Variants in ZBTB44 observed in about 807,000 individuals in gnomAD.
ZBTB44 encodes the protein zinc finger and BTB domain containing 44, also known as zinc finger and BTB domain-containing protein 44.
ZBTB44 carries 15 observed loss-of-function variants against 54.0 expected under a neutral mutation model. The observed-to-expected ratio is 0.28, with a 90% CI of 0.19 to 0.43. The LOEUF (loss-of-function observed/expected upper bound fraction) is 0.43, where lower values mean the gene tolerates loss of function less well. Ranked by LOEUF, ZBTB44 falls within the 20% of genes least tolerant of loss-of-function variation. The probability of loss-of-function intolerance (pLI) is 1.00; values close to 1 mark genes in which losing one functional copy is unlikely to be tolerated. For missense variants in ZBTB44, 487 were observed against 707.1 expected, an observed-to-expected ratio of 0.69 and a Z score of 3.53; for synonymous variants, 230 against 250.1, an observed-to-expected ratio of 0.92 and a Z score of 0.76.
Position 130,313,595 on chromosome 11 carries a change from G to A in ZBTB44, c.-57+780C>T, listed in dbSNP as rs540253977. On this transcript the variant is annotated intron_variant, in intron 1 of 7. Coordinates refer to ENST00000357899, the MANE Select transcript of ZBTB44 (RefSeq NM_001301098.2). Reference sequence around the variant, plus strand: ...GTGCAGCTTGCTTCCGGTATCAGCCGATCTCCAAATAAAGCATTAAGAAAA... The same window carrying A: ...GTGCAGCTTGCTTCCGGTATCAGCCAATCTCCAAATAAAGCATTAAGAAAA... Among the ~76,000 whole-genome samples, 229 of 152,246 alleles carry A rather than the reference G, an allele frequency of 1.5e-3. 1 individual carries two copies. The highest frequency in any genetic ancestry group is 2.6e-3 in the Non-Finnish European group (176 of 68,018).
At chr11:130,280,080 G>A (rs1002225483) in intron 1 of ZBTB44, among the ~76,000 whole-genome samples, 17 of 152,132 alleles carry the variant, frequency 1.1e-4, no homozygotes, top group Admixed American at 5.2e-4. Flanking sequence ...CCAGCGCAAC[G>A]GCAATTTTTG....
chr11:130,260,776 CA>C lies in ZBTB44; in HGVS notation c.1018+79del, dbSNP rs1449454604. The stretch of plus-strand genomic sequence containing the variant: ...TTTATATTTCCTATATGACCGAGCA[CA>C]AAACTTTTTATCTAACAGGAACTTA... On this transcript the variant is annotated intron_variant, in intron 2 of 7. Transcript: ENST00000357899. 59 of 1,468,792 alleles carry C rather than the reference CA, an allele frequency of 4.0e-5. No homozygotes were observed. The African/African-American group carries it at 7.7e-4, about 19-fold the overall frequency. 91.0% of individuals were successfully genotyped at this position (1,468,792 alleles called of 1,614,324 possible). A position where few individuals can be genotyped will look rare whatever the true frequency, so the allele number is the denominator to read the frequency against.
At chr11:130,237,947 T>TA (rs943841460) in intron 4 of ZBTB44, among the ~76,000 whole-genome samples, 1 of 152,160 alleles carries the variant, frequency 6.6e-6, no homozygotes, top group Non-Finnish European at 1.5e-5. Flanking sequence ...CTGTTATGTT[T>TA]AAAAAAATAC....
intron 2 of ZBTB44, among the ~76,000 whole-genome samples, chr11:130,241,641 C>T (rs1160444946): frequency 6.6e-6 from 1 of 152,134 alleles, no homozygotes; most frequent in Non-Finnish European, 1.5e-5. Flanking sequence ...TATCTTTCCC[C>T]ATCCCATGGC....
At chr11:130,234,929 A>T (rs1326538502) in intron 5 of ZBTB44, among the ~76,000 whole-genome samples, 1 of 152,244 alleles carries the variant, frequency 6.6e-6, no homozygotes, top group East Asian at 1.9e-4. Flanking sequence ...AAATATACTA[A>T]AAACAGTGGC....
Position 130,227,073 on chromosome 11 carries a change from G to A in ZBTB44, c.*4691C>T, listed in dbSNP as rs182225971. The stretch of plus-strand genomic sequence containing the variant: ...CAATAACCCTAAAAATGATTGTAAC[G>A]TTGAAACGGCACTTAGTTTACAAAA... On this transcript the variant is annotated 3_prime_UTR_variant, in exon 8 of 8. Transcript: ENST00000357899. 5 of 151,988 alleles carry A rather than the reference G, an allele frequency of 3.3e-5. No homozygotes were observed. The East Asian group carries it at 5.8e-4, about 18-fold the overall frequency. The allele number at this position is 151,988 out of a possible 1,614,324, so 9.4% of individuals were successfully genotyped here.
chr11:130,308,016 G>A (rs187367171), intron 1 of ZBTB44, among the ~76,000 whole-genome samples: 96 of 152,248 alleles, frequency 6.3e-4, no homozygotes, highest in African/African-American at 1.9e-3. Context: ...ATGAGCCACC[G>A]TGCGCAACCC....
At chr11:130,293,306 TAAAAAAAA>T (rs71061378) in intron 1 of ZBTB44, among the ~76,000 whole-genome samples, 1 of 134,730 alleles carries the variant, frequency 7.4e-6, no homozygotes, top group Non-Finnish European at 1.6e-5. Context: ...TACTAAAAAT[TAAAAAAAA>T]AAAAAAAAAA....
At chr11:130,299,929 T>A (rs1941900569) in intron 1 of ZBTB44, among the ~76,000 whole-genome samples, 1 of 152,168 alleles carries the variant, frequency 6.6e-6, no homozygotes, top group East Asian at 1.9e-4. Context: ...AAGAGATGAA[T>A]GAATTAATGA....
chr11:130,236,034 T>TA (rs1954093591), intron 5 of ZBTB44: 14 of 1,049,996 alleles, frequency 1.3e-5, no homozygotes, highest in Non-Finnish European at 1.7e-5. Context: ...CCTACAGAAG[T>TA]ACAATTCTTA....
chr11:130,296,491 G>C lies in ZBTB44; in HGVS notation c.-57+17884C>G. The stretch of plus-strand genomic sequence containing the variant: ...ACAGATTTGGGAACACATTGTGTAC[G>C]GATGTGGTGGCAAGAGGACTGGACA... On this transcript the variant is annotated intron_variant, in intron 1 of 7. Coordinates refer to ENST00000357899, the MANE Select transcript of ZBTB44 (RefSeq NM_001301098.2). 6 of 984,938 alleles carry C rather than the reference G, an allele frequency of 6.1e-6. No homozygotes were observed. The South Asian group carries it at 9.1e-5, about 15-fold the overall frequency. 61.0% of individuals were successfully genotyped at this position (984,938 alleles called of 1,614,324 possible).
chr11:130,233,654 C>G lies in ZBTB44; in HGVS notation c.1687-272G>C, dbSNP rs1953980061. On this transcript the variant is annotated intron_variant, in intron 6 of 7. Transcript: ENST00000357899. ...ATGTACCCTCTTGTCTCAAGAAGGT[C>G]AATAATCATCTGATTTCCTCTCTAG... 31 of 1,257,302 alleles carry G rather than the reference C, an allele frequency of 2.5e-5. No homozygotes were observed. In the South Asian group the frequency reaches 6.2e-4, roughly 25 times the overall value. The allele number at this position is 1,257,302 out of a possible 1,614,324, so 77.9% of individuals were successfully genotyped here.
intron 1 of ZBTB44, among the ~76,000 whole-genome samples, chr11:130,287,066 T>C (rs375334949): frequency 6.6e-6 from 1 of 152,340 alleles, no homozygotes; most frequent in Non-Finnish European, 1.5e-5. Context: ...TTCGCCATCT[T>C]GCAAATTCAA....
chr11:130,243,789 C>T (rs76898543), intron 2 of ZBTB44, among the ~76,000 whole-genome samples: 6,360 of 152,260 alleles, frequency 0.042, 325 homozygotes, highest in African/African-American at 0.12. Flanking sequence ...ATTTACATCA[C>T]TGCTAGCAGT....
chr11:130,308,132 T>C (rs921983529), intron 1 of ZBTB44, among the ~76,000 whole-genome samples: 2 of 152,222 alleles, frequency 1.3e-5, no homozygotes, highest in African/African-American at 4.8e-5. Context: ...TACAGTAACA[T>C]GCTGTACAGA....
Position 130,233,364 on chromosome 11 carries a change from C to T in ZBTB44, c.1705G>A (p.Glu569Lys). Residue 569 changes from glutamate to lysine, a missense_variant, in exon 7 of 8, where the codon GAA (glutamate) becomes AAA (lysine). Physicochemically the swap from Glu to Lys is moderately conservative, Grantham distance 56. This residue lies in a region of ZBTB44 where 120 missense variants were observed against 240.3 expected (regional missense o/e 0.50). Coordinates refer to ENST00000357899, the MANE Select transcript of ZBTB44 (RefSeq NM_001301098.2). ...VISQYHSKGKEP is the reference protein window; with the variant it reads ...VISQYHSKGKKP ...AGCTTGACTGTTGTCAATCATGGTT[C>T]CTTGCCTTTGGAGTGGTACTATAAA... The T allele has an allele frequency of 1.3e-6, 2 of 1,532,456 alleles. No individual in the cohort carries two copies. Among genetic ancestry groups the T allele is most frequent in the South Asian group, 1.2e-5 (1 of 83,876 alleles). 94.9% of individuals were successfully genotyped at this position (1,532,456 alleles called of 1,614,324 possible).
chr11:130,298,863 C>A (rs1941831420), intron 1 of ZBTB44, among the ~76,000 whole-genome samples: 1 of 148,016 alleles, frequency 6.8e-6, no homozygotes, highest in South Asian at 2.2e-4. Context: ...ACACACAAAA[C>A]CATCAGTAAA....
At position 130,242,472 on chromosome 11, in the gene ZBTB44, A is replaced by G. The variant is rs79060782; in HGVS notation, c.1019-2576T>C. Among the ~76,000 whole-genome samples the G allele has an allele frequency of 5.2e-3, 796 of 152,322 alleles. 13 individuals carry two copies. The highest frequency in any genetic ancestry group is 0.018 in the African/African-American group (765 of 41,582). On this transcript the variant is annotated intron_variant, in intron 2 of 7. Coordinates refer to ENST00000357899, the MANE Select transcript of ZBTB44 (RefSeq NM_001301098.2). Reference sequence around the variant, plus strand: ...ATCTATGCTCACTTCACTTCTGCCAAAAGTCCATTCTTTATAACTTTTTTG... The same window carrying G: ...ATCTATGCTCACTTCACTTCTGCCAGAAGTCCATTCTTTATAACTTTTTTG...
At chr11:130,264,695 A>G (rs1194149609) in intron 1 of ZBTB44, among the ~76,000 whole-genome samples, 1 of 152,222 alleles carries the variant, frequency 6.6e-6, no homozygotes, top group Non-Finnish European at 1.5e-5. Context: ...GCATTTCCCA[A>G]TATGTCTGCA....
Sources: allele counts gnomAD v4.1 joint callset (sites outside exome capture counted in the v4.1 genomes callset), GRCh38; gene constraint gnomAD v4.1.1; regional missense constraint gnomAD v4.1.1; transcripts MANE v1.5; gene names NCBI Gene and HGNC (gene_info 2026-07-23, HGNC 2026-07-21).